FER: variants seen among roughly 807,000 people sequenced by gnomAD.
The protein encoded by FER is FER tyrosine kinase, also known as tyrosine-protein kinase Fer.
Under a neutral mutation model 111.0 loss-of-function variants are expected in FER, and 63 were observed. The ratio of observed to expected loss-of-function variants is 0.57; its 90% CI spans 0.46 to 0.70. The LOEUF (loss-of-function observed/expected upper bound fraction) is 0.70, where lower values mean the gene tolerates loss of function less well. FER is among the 30% of genes least tolerant of loss of function. FER has a pLI of 0.00. For synonymous variants in FER, 327 were observed against 313.9 expected (o/e 1.04, Z -0.44); for missense variants, 914 against 954.0 (o/e 0.96, Z 0.55).
rs1748686273 is a variant in FER at position 108,894,272 on chromosome 5, T to G, written c.1047-3387T>G. 8 of 477,234 alleles carry G rather than the reference T, an allele frequency of 1.7e-5. No homozygotes were observed. In the South Asian group the frequency reaches 4.0e-4, roughly 24 times the overall value. The allele number at this position is 477,234 out of a possible 1,614,324, so 29.6% of individuals were successfully genotyped here. On this transcript the variant is annotated intron_variant, in intron 9 of 19. Transcript: ENST00000281092. ...AAACAAACAAAACCTCTTCAAGTATTGGGCATTAGGGGTTCAGGTTGGGAC... is the reference window on the plus strand; with the variant it reads ...AAACAAACAAAACCTCTTCAAGTATGGGGCATTAGGGGTTCAGGTTGGGAC...
At chr5:109,172,177 A>G (rs960280293) in intron 17 of FER, among the ~76,000 whole-genome samples, 1 of 151,994 alleles carries the variant, frequency 6.6e-6, no homozygotes, top group African/African-American at 2.4e-5. Context: ...ATAAAGACAC[A>G]TGCACACGTA....
intron 15 of FER, among the ~76,000 whole-genome samples, chr5:109,045,993 A>G (rs1053154987): frequency 1.3e-5 from 2 of 152,190 alleles, no homozygotes; most frequent in Admixed American, 6.5e-5. Flanking sequence ...TTTACGTGCT[A>G]TCCTGCAAAC....
At chr5:109,132,109 C>G (rs1019694473) in intron 17 of FER, among the ~76,000 whole-genome samples, 1 of 151,926 alleles carries the variant, frequency 6.6e-6, no homozygotes, top group African/African-American at 2.4e-5. Flanking sequence ...AAAGAAACAA[C>G]CAAATACTTT....
intron 17 of FER, among the ~76,000 whole-genome samples, chr5:109,162,417 A>G (rs916415511): frequency 6.6e-6 from 1 of 152,142 alleles, no homozygotes; most frequent in Non-Finnish European, 1.5e-5. Flanking sequence ...TACCAAAAAT[A>G]AAGGCCAAAA....
At chr5:109,022,146 C>T (rs1768011738) in intron 13 of FER, among the ~76,000 whole-genome samples, 1 of 152,070 alleles carries the variant, frequency 6.6e-6, no homozygotes, top group Non-Finnish European at 1.5e-5. Flanking sequence ...TGCTTTCTAC[C>T]TCAGAGTCTG....
intron 7 of FER, among the ~76,000 whole-genome samples, chr5:108,871,803 T>A (rs1764628600): frequency 6.6e-6 from 1 of 151,988 alleles, no homozygotes; most frequent in Non-Finnish European, 1.5e-5. Flanking sequence ...TGACTTTATA[T>A]GTATATTACA....
At chr5:108,909,404 A>C (rs1751240291) in intron 10 of FER, among the ~76,000 whole-genome samples, 1 of 152,176 alleles carries the variant, frequency 6.6e-6, no homozygotes, top group African/African-American at 2.4e-5. Context: ...AAACTAAGGA[A>C]AGGTTTTCTC....
At chr5:108,805,995 G>A (rs1757164635) in intron 3 of FER, among the ~76,000 whole-genome samples, 1 of 152,180 alleles carries the variant, frequency 6.6e-6, no homozygotes, top group Non-Finnish European at 1.5e-5. Flanking sequence ...CATGTCAGAG[G>A]TCTTCATGAC....
chr5:109,069,869 T>C (rs1216399550), intron 16 of FER, among the ~76,000 whole-genome samples: 1 of 152,088 alleles, frequency 6.6e-6, no homozygotes, highest in Non-Finnish European at 1.5e-5. Flanking sequence ...AAATATTTGG[T>C]CTGTTTTACT....
intron 10 of FER, among the ~76,000 whole-genome samples, chr5:108,941,083 C>A (rs1290944335): frequency 6.6e-6 from 1 of 152,168 alleles, no homozygotes; most frequent in East Asian, 1.9e-4. Context: ...GGAGAGATCT[C>A]CTGTATTTCC....
intron 17 of FER, among the ~76,000 whole-genome samples, chr5:109,143,225 A>T (rs1303327991): frequency 1.3e-5 from 2 of 152,136 alleles, no homozygotes; most frequent in East Asian, 3.8e-4. Flanking sequence ...ATCAGGAAAC[A>T]AGATACTTCA....
In FER at chr5:108,835,186, C is replaced by CG. The variant is rs1161129925; in HGVS notation, c.382-522_382-521insG. Among the ~76,000 whole-genome samples, 5 of 92,714 alleles carry CG rather than the reference C, an allele frequency of 5.4e-5. 1 individual carries two copies. The highest frequency in any genetic ancestry group is 9.3e-5 in the African/African-American group (2 of 21,510). The allele number at this position is 92,714 out of a possible 152,430, so 60.8% of individuals were successfully genotyped here. On this transcript the variant is annotated intron_variant, in intron 4 of 19. Transcript: ENST00000281092. ...AGTGTTATTTCTTCGTTTGCGCCAC[C>CG]CCCCCCCCCCCACTTTTTTTTTGAG...
intron 17 of FER, among the ~76,000 whole-genome samples, chr5:109,157,514 C>G (rs1457946723): frequency 6.7e-6 from 1 of 148,830 alleles, no homozygotes; most frequent in Non-Finnish European, 1.5e-5. Context: ...GCGATGAGTT[C>G]TGTTTTTTTT....
chr5:109,086,782 G>A (rs891272833), intron 16 of FER, among the ~76,000 whole-genome samples: 1 of 150,878 alleles, frequency 6.6e-6, no homozygotes, highest in Admixed American at 6.6e-5. Context: ...TGATATATTA[G>A]TTTGCTAGAG....
chr5:108,886,300 G>T (rs1462571817), intron 9 of FER, among the ~76,000 whole-genome samples: 1 of 151,388 alleles, frequency 6.6e-6, no homozygotes, highest in Non-Finnish European at 1.5e-5. Context: ...TATGAGAATG[G>T]ATATAAGAGA....
intron 13 of FER, among the ~76,000 whole-genome samples, chr5:108,985,211 C>G (rs939600221): frequency 3.3e-5 from 5 of 152,016 alleles, no homozygotes; most frequent in African/African-American, 1.2e-4. Context: ...TAAAGTATGA[C>G]AATTCAATGT....
intron 13 of FER, among the ~76,000 whole-genome samples, chr5:109,036,118 TAA>T (rs1770359268): frequency 6.6e-6 from 1 of 152,178 alleles, no homozygotes; most frequent in Admixed American, 6.5e-5. Context: ...TTTCATTTTT[TAA>T]GTGATGCTTT....
intron 3 of FER, among the ~76,000 whole-genome samples, chr5:108,824,971 T>G (rs1023343450): frequency 3.3e-5 from 5 of 151,956 alleles, no homozygotes; most frequent in African/African-American, 9.7e-5. Flanking sequence ...AACCAGCAAG[T>G]TTTTATTAGG....
At chr5:108,999,032 C>T (rs1764369767) in intron 13 of FER, among the ~76,000 whole-genome samples, 1 of 148,952 alleles carries the variant, frequency 6.7e-6, no homozygotes, top group Non-Finnish European at 1.5e-5. Context: ...CATATATGAA[C>T]TAACTTTTAA....
Sources: gnomAD v4.1 joint callset for allele counts (sites outside exome capture counted in the v4.1 genomes callset) on GRCh38, gnomAD v4.1.1 for gene constraint, MANE v1.5 for transcripts, NCBI Gene and HGNC (gene_info 2026-07-23, HGNC 2026-07-21) for gene names.